The following GRM2 variants were observed in gnomAD, a reference collection of about 807,000 sequenced individuals.
The protein encoded by GRM2 is glutamate metabotropic receptor 2.
Under a neutral mutation model 60.4 loss-of-function variants are expected in GRM2, and 35 were observed. The ratio of observed to expected loss-of-function variants is 0.58; its 90% CI spans 0.44 to 0.77. The LOEUF is 0.77. Among genes scored for constraint, GRM2 ranks in the 30% least tolerant of loss-of-function variants. The probability of loss-of-function intolerance (pLI) is 0.00; values close to 1 mark genes in which losing one functional copy is unlikely to be tolerated. For synonymous variants in GRM2, 437 were observed against 484.1 expected, an observed-to-expected ratio of 0.90 and a Z score of 1.28; for missense variants, 925 against 1,199.5, an observed-to-expected ratio of 0.77 and a Z score of 3.38.
Position 51,715,815 on chromosome 3 carries a change from C to G in GRM2, c.2042C>G (p.Ala681Gly). ...PRFISPASQV[A>G]ICLALISGQL... The stretch of plus-strand genomic sequence containing the variant: ...TTCATCAGTCCTGCCTCACAGGTGG[C>G]CATCTGCCTGGCACTTATCTCGGGC... Residue 681 changes from alanine to glycine, a missense_variant, in exon 4 of 6, where the codon GCC (alanine) becomes GGC (glycine). Transcript: ENST00000395052. This position sits in a 1 kb window ranked among gnomAD's most constrained non-coding sequence, Gnocchi z 9.0. 1 of 1,613,466 alleles carries G rather than the reference C, an allele frequency of 6.2e-7. No individual in the cohort carries two copies. The highest frequency in any genetic ancestry group is 1.7e-4 in the Middle Eastern group (1 of 6,060).
chr3:51,717,658 G>T lies in GRM2; in HGVS notation c.2386G>T (p.Val796Leu). ...DYRVQTTTMCVSVSLSGSVVL... is the reference protein window; with the variant it reads ...DYRVQTTTMCLSVSLSGSVVL... ...GCAGGTACAGACCACCACCATGTGCGTGTCAGTCAGCCTCAGCGGCTCCGT... is the reference window on the plus strand; with the variant it reads ...GCAGGTACAGACCACCACCATGTGCTTGTCAGTCAGCCTCAGCGGCTCCGT... The change falls in exon 5 of 6, where the codon GTG (valine) becomes TTG (leucine). Residue 796 changes from valine (V) to leucine (L), a missense_variant. Val to Leu is a conservative substitution (Grantham distance 32). Coordinates refer to ENST00000395052, the MANE Select transcript of GRM2 (RefSeq NM_000839.5). The surrounding 1 kb of genome is among the most constrained non-coding windows in gnomAD (Gnocchi z 6.0). The T allele has an allele frequency of 6.2e-7, 1 of 1,613,674 alleles. No homozygotes were observed. Among genetic ancestry groups the T allele is most frequent in the Admixed American group, 1.7e-5 (1 of 60,024 alleles).
chr3:51,718,177 C>A lies in GRM2; in HGVS notation c.*65C>A. ...ACCTAGTGCAGACCCACGTCCAGGG[C>A]CAGGAGGAAGTTGGCTGGAGCACTG... is the stretch of plus-strand genomic sequence containing the variant. On this transcript the variant is annotated 3_prime_UTR_variant, in exon 6 of 6. Coordinates refer to ENST00000395052, the MANE Select transcript of GRM2 (RefSeq NM_000839.5). This position sits in a 1 kb window ranked among gnomAD's most constrained non-coding sequence, Gnocchi z 4.2. 7.3e-7 allele frequency: 1 copy of A among 1,371,140 alleles called. No homozygotes were observed. The highest frequency in any genetic ancestry group is 1.4e-5 in the African/African-American group (1 of 70,414). The allele number at this position is 1,371,140 out of a possible 1,614,324, so 84.9% of individuals were successfully genotyped here. A position where few individuals can be genotyped will look rare whatever the true frequency, so the allele number is the denominator to read the frequency against.
At position 51,713,645 on chromosome 3, in the gene GRM2, C is replaced by A; in HGVS notation, c.1288+335C>A. Reference sequence around the variant, plus strand: ...ACCTCAAGCCCATTCTCAGGCAGCACCAAGAGTTAGAATCAGTCTGGCTTG... The same window carrying A: ...ACCTCAAGCCCATTCTCAGGCAGCAACAAGAGTTAGAATCAGTCTGGCTTG... On this transcript the variant is annotated intron_variant, in intron 3 of 5. Transcript: ENST00000395052. This position sits in a 1 kb window ranked among gnomAD's most constrained non-coding sequence, Gnocchi z 4.8. 2.8e-6 allele frequency: 1 copy of A among 353,356 alleles called. No homozygotes were observed. The allele number at this position is 353,356 out of a possible 1,614,324, so 21.9% of individuals were successfully genotyped here.
chr3:51,709,373 T>C lies in GRM2; in HGVS notation c.390T>C (p.Gly130=). Residue 130 remains glycine (G), a synonymous_variant, in exon 2 of 6, where the codon GGT becomes GGC. Transcript: ENST00000395052. ...CCGACGGCTCTTATGCGACCCATGG[T>C]GATGCTCCCACTGCCATCACTGGTG... ...ICPDGSYATH[G]DAPTAITGVI... The C allele has an allele frequency of 6.3e-7, 1 of 1,584,972 alleles. No homozygotes were observed. The highest frequency in any genetic ancestry group is 8.6e-7 in the Non-Finnish European group (1 of 1,157,240).
intron 2 of GRM2, chr3:51,711,596 C>T (rs933091498): frequency 1.3e-5 from 2 of 152,424 alleles, no homozygotes; most frequent in Non-Finnish European, 2.9e-5. Flanking sequence ...ATGTCCCTAT[C>T]ATCTTCCCTT....
At position 51,717,788 on chromosome 3, in the gene GRM2, C is replaced by T; in HGVS notation, c.2516C>T (p.Ala839Val). Residue 839 changes from alanine to valine, a missense_variant, in exon 5 of 6, where the codon GCT becomes GTT. By Grantham distance (64) the Ala-to-Val change is moderately conservative (BLOSUM62 0). Coordinates refer to ENST00000395052, the MANE Select transcript of GRM2 (RefSeq NM_000839.5). This position sits in a 1 kb window ranked among gnomAD's most constrained non-coding sequence, Gnocchi z 6.0. ...RAPTSRFGSAAARASSSLGQG... is the reference protein window; with the variant it reads ...RAPTSRFGSAVARASSSLGQG... ...CCCACCAGCCGCTTTGGCAGTGCTG[C>T]TGCCAGGGCCAGCTCCAGCCTTGGC... The T allele has an allele frequency of 6.2e-7, 1 of 1,614,074 alleles. No homozygotes were observed. Among genetic ancestry groups the T allele is most frequent in the Non-Finnish European group, 8.5e-7 (1 of 1,180,002 alleles).
rs1437336836 is a variant in GRM2, at chr3:51,709,371, G to C, written c.388G>C (p.Gly130Arg). The C allele has an allele frequency of 6.3e-7, 1 of 1,585,282 alleles. No individual in the cohort carries two copies. Among genetic ancestry groups the C allele is most frequent in the South Asian group, 1.1e-5 (1 of 90,226 alleles). The change falls in exon 2 of 6, where the codon GGT becomes CGT. Residue 130 changes from glycine (G) to arginine (R), a missense_variant. Coordinates refer to ENST00000395052, the MANE Select transcript of GRM2 (RefSeq NM_000839.5). ...ICPDGSYATH[G>R]DAPTAITGVI... The stretch of plus-strand genomic sequence containing the variant: ...CCCCGACGGCTCTTATGCGACCCAT[G>C]GTGATGCTCCCACTGCCATCACTGG...
chr3:51,715,904 C>G lies in GRM2; in HGVS notation c.2131C>G (p.Pro711Ala). 6.2e-7 allele frequency: 1 copy of G among 1,613,590 alleles called. No homozygotes were observed. Among genetic ancestry groups the G allele is most frequent in the African/African-American group, 1.3e-5 (1 of 75,050 alleles). Residue 711 changes from proline to alanine, a missense_variant, in exon 4 of 6, where the codon CCC becomes GCC. Pro to Ala is a conservative substitution (Grantham distance 27). Coordinates refer to ENST00000395052, the MANE Select transcript of GRM2 (RefSeq NM_000839.5). This position sits in a 1 kb window ranked among gnomAD's most constrained non-coding sequence, Gnocchi z 9.0. ...ACCGGGCACAGGCAAGGAGACAGCC[C>G]CCGAACGGCGGGAGGTGGTGACACT... The part of the protein sequence containing the change: ...EAPGTGKETA[P>A]ERREVVTLRC...
chr3:51,707,126 C>G lies in GRM2; in HGVS notation c.-178C>G, dbSNP rs893581536. 2.0e-5 allele frequency: 3 copies of G among 152,494 alleles called. No homozygotes were observed. The highest frequency in any genetic ancestry group is 1.9e-4 in the East Asian group (1 of 5,160). The allele number at this position is 152,494 out of a possible 1,614,324, so 9.4% of individuals were successfully genotyped here. ...GCGGGAGCCGGAGCCTCGCGCCCCC[C>G]GCTCCACTCCGATTCTCTCCGCGCC... is the stretch of plus-strand genomic sequence containing the variant. On this transcript the variant is annotated 5_prime_UTR_variant, in exon 1 of 6. Transcript: ENST00000395052.
At position 51,717,823 on chromosome 3, in the gene GRM2, T is replaced by C; in HGVS notation, c.2545+6T>C. Reference sequence around the variant, plus strand: ...CAGCTCCAGCCTTGGCCAAGGTCAGTGTCCTAAGCAGCCCTCTCTGCCTGT... The same window carrying C: ...CAGCTCCAGCCTTGGCCAAGGTCAGCGTCCTAAGCAGCCCTCTCTGCCTGT... On this transcript the variant is annotated splice_donor_region_variant and intron_variant, in intron 5 of 5. Transcript: ENST00000395052. The surrounding 1 kb of genome is among the most constrained non-coding windows in gnomAD (Gnocchi z 6.0). The C allele has an allele frequency of 6.2e-7, 1 of 1,612,932 alleles. No homozygotes were observed. The highest frequency in any genetic ancestry group is 8.5e-7 in the Non-Finnish European group (1 of 1,179,274).
rs1005553156 is a variant in GRM2, at chr3:51,712,219, G to A, written c.451-254G>A. 2.0e-5 allele frequency among the ~76,000 whole-genome samples: 3 copies of A among 152,188 alleles called. No individual in the cohort carries two copies. Among genetic ancestry groups the A allele is most frequent in the African/African-American group, 7.2e-5 (3 of 41,440 alleles). ...GCCATGTGTCTAAAAGGGGATGGCAGAGGGGATCAGGTGTGGCTCATGACC... is the reference window on the plus strand; with the variant it reads ...GCCATGTGTCTAAAAGGGGATGGCAAAGGGGATCAGGTGTGGCTCATGACC... On this transcript the variant is annotated intron_variant, in intron 2 of 5. Coordinates refer to ENST00000395052, the MANE Select transcript of GRM2 (RefSeq NM_000839.5). This position sits in a 1 kb window ranked among gnomAD's most constrained non-coding sequence, Gnocchi z 5.3.
At position 51,717,692 on chromosome 3, in the gene GRM2, G is replaced by C. The variant is rs1242805088; in HGVS notation, c.2420G>C (p.Gly807Ala). 1 of 1,614,006 alleles carries C rather than the reference G, an allele frequency of 6.2e-7. No homozygotes were observed. The highest frequency in any genetic ancestry group is 8.5e-7 in the Non-Finnish European group (1 of 1,179,988). Reference protein sequence around the residue: ...SVSLSGSVVLGCLFAPKLHII... With the variant: ...SVSLSGSVVLACLFAPKLHII... ...AGCCTCAGCGGCTCCGTGGTGCTTG[G>C]CTGCCTCTTTGCGCCCAAGCTGCAC... is the stretch of plus-strand genomic sequence containing the variant. Residue 807 changes from glycine (G) to alanine (A), a missense_variant, in exon 5 of 6, where the codon GGC becomes GCC. Transcript: ENST00000395052. The surrounding 1 kb of genome is among the most constrained non-coding windows in gnomAD (Gnocchi z 6.0).
Position 51,709,171 on chromosome 3 carries a change from A to T in GRM2, c.188A>T (p.Glu63Val). 2 of 1,612,384 alleles carry T rather than the reference A, an allele frequency of 1.2e-6. No homozygotes were observed. The highest frequency in any genetic ancestry group is 1.7e-6 in the Non-Finnish European group (2 of 1,179,628). The stretch of plus-strand genomic sequence containing the variant: ...GAGCACCGTGGCATCCAGCGCCTGG[A>T]GGCCATGCTTTTTGCACTGGACCGC... ...VNEHRGIQRL[E>V]AMLFALDRIN... Residue 63 changes from glutamate to valine, a missense_variant, in exon 2 of 6, where the codon GAG (glutamate) becomes GTG (valine). Coordinates refer to ENST00000395052, the MANE Select transcript of GRM2 (RefSeq NM_000839.5).
chr3:51,713,806 G>T lies in GRM2; in HGVS notation c.1288+496G>T. On this transcript the variant is annotated intron_variant, in intron 3 of 5. Coordinates refer to ENST00000395052, the MANE Select transcript of GRM2 (RefSeq NM_000839.5). This position sits in a 1 kb window ranked among gnomAD's most constrained non-coding sequence, Gnocchi z 4.8. ...GGGTCTCACTATATTTTGTAGGCTG[G>T]AGTGCAGTGGTTATTCACAGGCACA... 1 of 227,822 alleles carries T rather than the reference G, an allele frequency of 4.4e-6. No individual in the cohort carries two copies. The highest frequency in any genetic ancestry group is 5.0e-5 in the South Asian group (1 of 19,934). 14.1% of individuals were successfully genotyped at this position (227,822 alleles called of 1,614,324 possible).
At position 51,715,185 on chromosome 3, in the gene GRM2, TG is replaced by T; in HGVS notation, c.1415del (p.Gly472AlafsTer7). 1 of 1,613,956 alleles carries T rather than the reference TG, an allele frequency of 6.2e-7. No homozygotes were observed. The highest frequency in any genetic ancestry group is 1.1e-5 in the South Asian group (1 of 91,068). ...AGTGGGCGCTATCGCTACCAGAAGG[TG>T]GGCTACTGGGCAGAAGGCTTGACTC... is the stretch of plus-strand genomic sequence containing the variant. ...AGSGRYRYQK[V>X]GYWAEGLTLD... is the part of the protein sequence containing the mutation. On this transcript the variant is annotated frameshift_variant, in exon 4 of 6. Coordinates refer to ENST00000395052, the MANE Select transcript of GRM2 (RefSeq NM_000839.5). LOFTEE classifies it high-confidence loss of function. The surrounding 1 kb of genome is among the most constrained non-coding windows in gnomAD (Gnocchi z 9.0).
Position 51,712,354 on chromosome 3 carries a change from G to T in GRM2, c.451-119G>T, listed in dbSNP as rs1321454062. ...GTCAGGATGCAGGGCTTTAGAGAGG[G>T]AGCCTTTAGGCCTGACCTTGTGGAC... On this transcript the variant is annotated intron_variant, in intron 2 of 5. Coordinates refer to ENST00000395052, the MANE Select transcript of GRM2 (RefSeq NM_000839.5). The surrounding 1 kb of genome is among the most constrained non-coding windows in gnomAD (Gnocchi z 5.3). 6 of 708,008 alleles carry T rather than the reference G, an allele frequency of 8.5e-6. No individual in the cohort carries two copies. Among genetic ancestry groups the T allele is most frequent in the Non-Finnish European group, 1.2e-5 (5 of 401,532 alleles). 43.9% of individuals were successfully genotyped at this position (708,008 alleles called of 1,614,324 possible).
In GRM2 at chr3:51,717,772, C is replaced by G. The variant is rs374246449; in HGVS notation, c.2500C>G (p.Arg834Gly). 1 of 1,614,120 alleles carries G rather than the reference C, an allele frequency of 6.2e-7. No homozygotes were observed. The highest frequency in any genetic ancestry group is 1.1e-5 in the South Asian group (1 of 91,084). Residue 834 changes from arginine to glycine, a missense_variant, in exon 5 of 6, where the codon CGC becomes GGC. Transcript: ENST00000395052. The surrounding 1 kb of genome is among the most constrained non-coding windows in gnomAD (Gnocchi z 6.0). ...GGTTAGCCACCGGGCACCCACCAGC[C>G]GCTTTGGCAGTGCTGCTGCCAGGGC... ...NVVSHRAPTSRFGSAAARASS... is the reference protein window; with the variant it reads ...NVVSHRAPTSGFGSAAARASS...
In GRM2 at chr3:51,715,304, A is replaced by T. The variant is rs1361409511; in HGVS notation, c.1531A>T (p.Ser511Cys). The T allele has an allele frequency of 1.2e-6, 2 of 1,612,964 alleles. No homozygotes were observed. Among genetic ancestry groups the T allele is most frequent in the Admixed American group, 3.3e-5 (2 of 59,944 alleles). Reference sequence around the variant, plus strand: ...GCCCTGCCTCCAGAATGAGGTGAAGAGTGTGCAGCCGGGCGAAGTCTGCTG... The same window carrying T: ...GCCCTGCCTCCAGAATGAGGTGAAGTGTGTGCAGCCGGGCGAAGTCTGCTG... ...SEPCLQNEVKSVQPGEVCCWL... is the reference protein window; with the variant it reads ...SEPCLQNEVKCVQPGEVCCWL... The change falls in exon 4 of 6, where the codon AGT (serine) becomes TGT (cysteine). Residue 511 changes from serine to cysteine, a missense_variant. Coordinates refer to ENST00000395052, the MANE Select transcript of GRM2 (RefSeq NM_000839.5). This position sits in a 1 kb window ranked among gnomAD's most constrained non-coding sequence, Gnocchi z 9.0.
chr3:51,714,189 G>A (rs941942332), intron 3 of GRM2: 1 of 206,406 alleles, frequency 4.8e-6, no homozygotes, highest in Admixed American at 5.8e-5. Flanking sequence ...TGGAATCTGG[G>A]GTCCGATTTG....
Sources: allele counts gnomAD v4.1 joint callset (sites outside exome capture counted in the v4.1 genomes callset), GRCh38; gene constraint gnomAD v4.1.1; non-coding constraint Gnocchi (gnomAD v3.1); transcripts MANE v1.5; gene names NCBI Gene and HGNC (gene_info 2026-07-23, HGNC 2026-07-21).